The following STOX2 variants were observed in gnomAD, a reference collection of about 807,000 sequenced individuals.
STOX2 encodes storkhead box 2.
STOX2 carries 28 observed loss-of-function variants against 60.9 expected under a neutral mutation model. The ratio of observed to expected loss-of-function variants is 0.46; its 90% CI spans 0.34 to 0.63. STOX2 has a LOEUF of 0.63. Ranked by LOEUF, STOX2 falls within the 30% of genes least tolerant of loss-of-function variation. The pLI is 0.01. For missense variants in STOX2, 1,024 were observed against 1,187.7 expected (o/e 0.86, Z 2.03); for synonymous variants, 472 against 463.9 (o/e 1.02, Z -0.22).
At chr4:183,879,457 G>A (rs1174775318) in intron 1 of STOX2, among the ~76,000 whole-genome samples, 2 of 152,218 alleles carry the variant, frequency 1.3e-5, no homozygotes, top group East Asian at 1.9e-4. Flanking sequence ...TGCATCGCAC[G>A]AGTTCACAAT....
intron 1 of STOX2, among the ~76,000 whole-genome samples, chr4:183,822,140 G>A (rs1739317683): frequency 6.6e-6 from 1 of 152,194 alleles, no homozygotes; most frequent in African/African-American, 2.4e-5. Flanking sequence ...ACCCCCATAA[G>A]CCACAAGCCT....
At chr4:183,963,183 C>G (rs1579475201) in intron 1 of STOX2, among the ~76,000 whole-genome samples, 1 of 152,088 alleles carries the variant, frequency 6.6e-6, no homozygotes, top group South Asian at 2.1e-4. Context: ...ACACCTGGCT[C>G]TTTACTGATC....
At chr4:183,873,677 G>A (rs537842535) in intron 1 of STOX2, among the ~76,000 whole-genome samples, 164 of 152,298 alleles carry the variant, frequency 1.1e-3, no homozygotes, top group African/African-American at 3.8e-3. Context: ...ACCGGGAAGT[G>A]AGACAATGCA....
rs1340403851 is a variant in STOX2 at position 184,021,611 on chromosome 4, G to A, written c.*4327G>A. The stretch of plus-strand genomic sequence containing the variant: ...TTCATATTGGGTTGCTATAGTTCCC[G>A]TGCTAAATCACCAGCTTTCAGGAAC... On this transcript the variant is annotated 3_prime_UTR_variant, in exon 4 of 4. Transcript: ENST00000308497. The A allele has an allele frequency of 3.9e-5, 6 of 152,194 alleles. No homozygotes were observed. The highest frequency in any genetic ancestry group is 2.1e-4 in the South Asian group (1 of 4,830). The allele number at this position is 152,194 out of a possible 1,614,324, so 9.4% of individuals were successfully genotyped here.
rs953461140 is a variant in STOX2, at chr4:183,906,571, A to T, written c.-220A>T. 2 of 527,028 alleles carry T rather than the reference A, an allele frequency of 3.8e-6. No individual in the cohort carries two copies. The highest frequency in any genetic ancestry group is 6.7e-6 in the Non-Finnish European group (2 of 299,528). The allele number at this position is 527,028 out of a possible 1,614,324, so 32.6% of individuals were successfully genotyped here. A position where few individuals can be genotyped will look rare whatever the true frequency, so the allele number is the denominator to read the frequency against. Reference sequence around the variant, plus strand: ...GCGGATTGCAAATGAAGTGTAATGCATTGTGGGACGTGTGTAAAATCGGAG... The same window carrying T: ...GCGGATTGCAAATGAAGTGTAATGCTTTGTGGGACGTGTGTAAAATCGGAG... On this transcript the variant is annotated 5_prime_UTR_variant, in exon 1 of 4. Transcript: ENST00000308497.
chr4:183,986,746 C>T (rs548048891), intron 1 of STOX2, among the ~76,000 whole-genome samples: 1 of 152,320 alleles, frequency 6.6e-6, no homozygotes, highest in South Asian at 2.1e-4. Context: ...TGACAAGAGA[C>T]GCTGATTTGA....
rs2111080233 is a variant in STOX2 at position 183,906,462 on chromosome 4, C to G, written c.-329C>G. Reference sequence around the variant, plus strand: ...CGCTGCAAGTCTCGGCGCCCCCACCCCGCCCGCCCCCTCCCCGCCTCCTCC... The same window carrying G: ...CGCTGCAAGTCTCGGCGCCCCCACCGCGCCCGCCCCCTCCCCGCCTCCTCC... On this transcript the variant is annotated 5_prime_UTR_variant, in exon 1 of 4. Coordinates refer to ENST00000308497, the MANE Select transcript of STOX2 (RefSeq NM_020225.3). 1 of 154,440 alleles carries G rather than the reference C, an allele frequency of 6.5e-6. No homozygotes were observed. Among genetic ancestry groups the G allele is most frequent in the South Asian group, 2.0e-4 (1 of 5,076 alleles). The allele number at this position is 154,440 out of a possible 1,614,324, so 9.6% of individuals were successfully genotyped here. A position where few individuals can be genotyped will look rare whatever the true frequency, so the allele number is the denominator to read the frequency against.
chr4:183,901,737 G>T (rs139690696), upstream of STOX2, among the ~76,000 whole-genome samples: 1,308 of 151,766 alleles, frequency 8.6e-3, 59 homozygotes, highest in Admixed American at 0.069. Context: ...TATGTTCTTC[G>T]CAGAAATCTC....
chr4:183,847,824 C>CCCTATT (rs1740021838), intron 1 of STOX2, among the ~76,000 whole-genome samples: 1 of 152,132 alleles, frequency 6.6e-6, no homozygotes, highest in Non-Finnish European at 1.5e-5. Flanking sequence ...CAGGAACAGG[C>CCCTATT]CCTTGGAATT....
At chr4:183,969,954 A>G (rs1015274943) in intron 1 of STOX2, among the ~76,000 whole-genome samples, 1 of 152,068 alleles carries the variant, frequency 6.6e-6, no homozygotes, top group African/African-American at 2.4e-5. Flanking sequence ...AAATTTACAT[A>G]TCTTGTGTTG....
chr4:183,835,019 C>T (rs1176134444), intron 1 of STOX2, among the ~76,000 whole-genome samples: 1 of 152,034 alleles, frequency 6.6e-6, no homozygotes, highest in African/African-American at 2.4e-5. Context: ...TGATGCAATA[C>T]AGTGTCGTGG....
intron 1 of STOX2, among the ~76,000 whole-genome samples, chr4:183,955,238 T>C (rs1743213266): frequency 6.6e-6 from 1 of 152,188 alleles, no homozygotes; most frequent in Non-Finnish European, 1.5e-5. Context: ...CAATAATCAG[T>C]ATTGGTATTA....
intron 1 of STOX2, among the ~76,000 whole-genome samples, chr4:183,800,968 G>A (rs760012588): frequency 3.9e-5 from 6 of 152,172 alleles, no homozygotes; most frequent in Non-Finnish European, 8.8e-5. Context: ...GTACAGTTGA[G>A]GCAAACCTAC....
At chr4:183,800,246 C>A (rs1738729577) in intron 1 of STOX2, among the ~76,000 whole-genome samples, 1 of 151,984 alleles carries the variant, frequency 6.6e-6, no homozygotes, top group Non-Finnish European at 1.5e-5. Context: ...AGTCTGGAAG[C>A]TGATGAGGAT....
rs1298272235 is a variant in STOX2 at position 183,931,051 on chromosome 4, C to T, written c.166+24095C>T. 5.9e-5 allele frequency among the ~76,000 whole-genome samples: 9 copies of T among 152,172 alleles called. No homozygotes were observed. In the South Asian group the frequency reaches 1.7e-3, roughly 28 times the overall value. On this transcript the variant is annotated intron_variant, in intron 1 of 3. Transcript: ENST00000308497. ...CTTGTTAAGATGATTGTGTTGAACC[C>T]AAAGCCTAGCTTGTTGAGTAATTTT... is the stretch of plus-strand genomic sequence containing the variant.
chr4:183,834,230 T>C (rs532818800), intron 1 of STOX2, among the ~76,000 whole-genome samples: 142 of 152,152 alleles, frequency 9.3e-4, no homozygotes, highest in Non-Finnish European at 1.9e-3. Context: ...TCCCAAAATA[T>C]TGTAGTAATC....
intron 1 of STOX2, among the ~76,000 whole-genome samples, chr4:183,852,045 GAAACGATGAGGGAAAGGATGAGA>G: frequency 2.3e-5 from 2 of 86,312 alleles, no homozygotes; most frequent in African/African-American, 6.3e-5. Context: ...AAGGATGAGA[GAAACGATGAGGGAAAGGATGAGA>G]GAAAGGATGA....
At chr4:184,013,848 G>A (rs1009323474) in intron 3 of STOX2, among the ~76,000 whole-genome samples, 2 of 152,110 alleles carry the variant, frequency 1.3e-5, no homozygotes, top group African/African-American at 4.8e-5. Flanking sequence ...GAGTGCAGTG[G>A]TGATTGTAGC....
rs1317607789 is a variant in STOX2 at position 184,018,150 on chromosome 4, AT to A, written c.*869del. 1.3e-5 allele frequency: 2 copies of A among 152,224 alleles called. No individual in the cohort carries two copies. Among genetic ancestry groups the A allele is most frequent in the Admixed American group, 6.5e-5 (1 of 15,274 alleles). 9.4% of individuals were successfully genotyped at this position (152,224 alleles called of 1,614,324 possible). ...GTTACTCAAATATTGAAGGAAGAGA[AT>A]TTCCTCCTTGTGATACTTAGGATGA... On this transcript the variant is annotated 3_prime_UTR_variant, in exon 4 of 4. Transcript: ENST00000308497.
Sources: gnomAD v4.1 joint callset for allele counts (sites outside exome capture counted in the v4.1 genomes callset) on GRCh38, gnomAD v4.1.1 for gene constraint, MANE v1.5 for transcripts, NCBI Gene and HGNC (gene_info 2026-07-23, HGNC 2026-07-21) for gene names.